PTCHD4: variants seen among roughly 807,000 people sequenced by gnomAD.
PTCHD4 encodes the protein patched domain containing 4.
A neutral mutation model predicts 58.1 loss-of-function variants in PTCHD4; 33 were observed. That is an observed-to-expected ratio of 0.57 (90% confidence interval 0.43 to 0.76). PTCHD4 has a LOEUF of 0.76. Among genes scored for constraint, PTCHD4 ranks in the 30% least tolerant of loss-of-function variants. The pLI is 0.00. For missense variants in PTCHD4, 1,058 were observed against 1,027.1 expected (o/e 1.03, Z -0.41); for synonymous variants, 478 against 409.6 (o/e 1.17, Z -2.02).
chr6:47,897,938 TTC>T (rs1395961366), intron 4 of PTCHD4, among the ~76,000 whole-genome samples: 15 of 139,134 alleles, frequency 1.1e-4, no homozygotes, highest in Non-Finnish European at 1.5e-5. Flanking sequence ...TTTTCTTTCT[TTC>T]TTTTTTTTTT....
chr6:48,100,634 A>G (rs1765584992), intron 1 of PTCHD4, among the ~76,000 whole-genome samples: 1 of 152,216 alleles, frequency 6.6e-6, no homozygotes, highest in African/African-American at 2.4e-5. Flanking sequence ...GCCTGAGAAA[A>G]TGATGACAAT....
chr6:48,077,834 TC>T (rs777942053), intron 1 of PTCHD4, among the ~76,000 whole-genome samples: 2 of 152,184 alleles, frequency 1.3e-5, no homozygotes, highest in East Asian at 3.9e-4. Flanking sequence ...AAGTTTGCAA[TC>T]TTGTATGGGT....
intron 1 of PTCHD4, among the ~76,000 whole-genome samples, chr6:48,100,243 T>C (rs1330189682): frequency 1.3e-5 from 2 of 152,170 alleles, no homozygotes; most frequent in South Asian, 2.1e-4. Context: ...GAAAAATAGG[T>C]ATATCTTCAA....
Position 47,876,026 on chromosome 6 carries a change from A to G in PTCHD4, c.*2277T>C, listed in dbSNP as rs1249119677. Among the ~76,000 whole-genome samples the G allele has an allele frequency of 6.6e-6, 1 of 151,742 alleles. No individual in the cohort carries two copies. The highest frequency in any genetic ancestry group is 2.4e-5 in the African/African-American group (1 of 41,366). Reference sequence around the variant, plus strand: ...AATCTTCCATATCAAATCTTTACAAATGATGGGTAATCTGTAAGAGGAATT... The same window carrying G: ...AATCTTCCATATCAAATCTTTACAAGTGATGGGTAATCTGTAAGAGGAATT... On this transcript the variant is annotated 3_prime_UTR_variant, in exon 5 of 5. Transcript: ENST00000339488.
intron 1 of PTCHD4, among the ~76,000 whole-genome samples, chr6:48,079,042 C>T (rs1329517793): frequency 6.8e-6 from 1 of 146,914 alleles, no homozygotes; most frequent in Admixed American, 7.1e-5. Context: ...GGCGTGAACC[C>T]GGGAGGCGGA....
chr6:47,958,941 T>G (rs1291496579), intron 4 of PTCHD4, among the ~76,000 whole-genome samples: 1 of 152,172 alleles, frequency 6.6e-6, no homozygotes, highest in African/African-American at 2.4e-5. Flanking sequence ...AATGTTAAGC[T>G]GAAAGGATCA....
At chr6:48,008,311 G>T (rs746917788) in intron 4 of PTCHD4, among the ~76,000 whole-genome samples, 2 of 152,146 alleles carry the variant, frequency 1.3e-5, no homozygotes, top group Admixed American at 1.3e-4. Context: ...AATTTTGCTC[G>T]AAGTAGATTT....
chr6:48,031,218 C>T (rs972266640), intron 3 of PTCHD4, among the ~76,000 whole-genome samples: 3 of 152,090 alleles, frequency 2.0e-5, no homozygotes, highest in Admixed American at 1.3e-4. Context: ...CACCATTCAC[C>T]AGGTAATGTT....
At chr6:47,893,688 C>T (rs565036742) in intron 4 of PTCHD4, among the ~76,000 whole-genome samples, 1 of 152,184 alleles carries the variant, frequency 6.6e-6, no homozygotes, top group Non-Finnish European at 1.5e-5. Flanking sequence ...TCCCTTAGTA[C>T]AAATATCTGG....
chr6:47,936,325 C>A (rs79703141), intron 4 of PTCHD4, among the ~76,000 whole-genome samples: 3,823 of 152,240 alleles, frequency 0.025, 151 homozygotes, highest in African/African-American at 0.083. Flanking sequence ...ATTGGACACC[C>A]CCTGGATAAT....
intron 4 of PTCHD4, among the ~76,000 whole-genome samples, chr6:47,972,338 A>G (rs1767544771): frequency 2.0e-5 from 3 of 152,194 alleles, no homozygotes; most frequent in Admixed American, 1.3e-4. Flanking sequence ...ATGTTAGAAA[A>G]AGTTACATAA....
At chr6:47,948,925 A>C (rs1766518072) in intron 4 of PTCHD4, among the ~76,000 whole-genome samples, 1 of 152,220 alleles carries the variant, frequency 6.6e-6, no homozygotes, top group African/African-American at 2.4e-5. Flanking sequence ...TCAACAAAAC[A>C]TTATCGAGCA....
chr6:47,970,518 ATCT>A (rs979917493), intron 4 of PTCHD4, among the ~76,000 whole-genome samples: 11 of 152,126 alleles, frequency 7.2e-5, no homozygotes, highest in Admixed American at 1.3e-4. Context: ...CCTGGTTGAA[ATCT>A]TCTTAAGAGG....
chr6:48,032,444 ATG>A (rs544734134), intron 3 of PTCHD4, among the ~76,000 whole-genome samples: 3 of 151,384 alleles, frequency 2.0e-5, no homozygotes, highest in African/African-American at 7.3e-5. Flanking sequence ...GTGCGTGTGT[ATG>A]TGTGTGTGTG....
At chr6:47,982,814 C>A (rs1222049596) in intron 4 of PTCHD4, among the ~76,000 whole-genome samples, 1 of 152,096 alleles carries the variant, frequency 6.6e-6, no homozygotes, top group Admixed American at 6.5e-5. Flanking sequence ...AGCCCCTCTA[C>A]CTAGCACAAC....
intron 4 of PTCHD4, among the ~76,000 whole-genome samples, chr6:47,926,001 A>G (rs1021831237): frequency 3.3e-5 from 5 of 152,012 alleles, no homozygotes; most frequent in Non-Finnish European, 7.4e-5. Flanking sequence ...ACTCTTGTTC[A>G]TTTTCCTCTT....
rs1333239136 is a variant in PTCHD4 at position 47,865,329 on chromosome 6, A to G, written c.*12974T>C. On this transcript the variant is annotated 3_prime_UTR_variant, in exon 5 of 5. Transcript: ENST00000339488. The stretch of plus-strand genomic sequence containing the variant: ...TAAACCATTTTTCCCCAAGTTAGAT[A>G]TGCAGAAAACCAAATCAACTGTTCT... Among the ~76,000 whole-genome samples, 1 of 151,982 alleles carries G rather than the reference A, an allele frequency of 6.6e-6. No individual in the cohort carries two copies. Among genetic ancestry groups the G allele is most frequent in the Non-Finnish European group, 1.5e-5 (1 of 67,930 alleles).
At chr6:47,942,760 G>T (rs1231980588) in intron 4 of PTCHD4, among the ~76,000 whole-genome samples, 4 of 152,136 alleles carry the variant, frequency 2.6e-5, no homozygotes, top group African/African-American at 9.7e-5. Context: ...TACACTTTTT[G>T]TTCTTGGCAG....
In PTCHD4 at chr6:48,040,037, C is replaced by T. The variant is rs146709826; in HGVS notation, c.417+28193G>A. Among the ~76,000 whole-genome samples, 561 of 152,164 alleles carry T rather than the reference C, an allele frequency of 3.7e-3. 3 individuals are homozygous for T. The highest frequency in any genetic ancestry group is 0.013 in the African/African-American group (547 of 41,548). On this transcript the variant is annotated intron_variant, in intron 3 of 4. Transcript: ENST00000339488. ...TAACAGGCTCAAGGTTATGCTGATG[C>T]TGCCGATTAGTGGATGTCACTTTGA...
Sources: gnomAD v4.1 joint callset for allele counts (sites outside exome capture counted in the v4.1 genomes callset) on GRCh38, gnomAD v4.1.1 for gene constraint, MANE v1.5 for transcripts, NCBI Gene and HGNC (gene_info 2026-07-23, HGNC 2026-07-21) for gene names.